Variants in RPS6KC1 observed in about 807,000 individuals in gnomAD.
RPS6KC1 encodes the protein inactive ribosomal protein S6 kinase delta-1.
Under a neutral mutation model 103.8 loss-of-function variants are expected in RPS6KC1, and 54 were observed. The observed-to-expected ratio is 0.52, with a 90% CI of 0.42 to 0.65. The LOEUF is 0.65. Among genes scored for constraint, RPS6KC1 ranks in the 30% least tolerant of loss-of-function variants. The pLI is 0.00. For synonymous variants in RPS6KC1, 439 were observed against 438.7 expected, an observed-to-expected ratio of 1.00 and a Z score of -0.01; for missense variants, 1,151 against 1,253.8, an observed-to-expected ratio of 0.92 and a Z score of 1.24.
At chr1:213,163,959 C>G (rs1302099257) in intron 6 of RPS6KC1, among the ~76,000 whole-genome samples, 2 of 152,148 alleles carry the variant, frequency 1.3e-5, no homozygotes, top group Admixed American at 6.5e-5. Flanking sequence ...CTCCTGTGCT[C>G]TGTATTTTTC....
At chr1:213,593,480 A>G in the RPS6KC1 span, among the ~76,000 whole-genome samples, 1 of 152,196 alleles carries the variant, frequency 6.6e-6, no homozygotes, top group African/African-American at 2.4e-5. Flanking sequence ...ACACACACAT[A>G]CACCCACACT....
At chr1:213,351,389 A>C in the RPS6KC1 span, among the ~76,000 whole-genome samples, 1 of 152,200 alleles carries the variant, frequency 6.6e-6, no homozygotes, top group African/African-American at 2.4e-5. Flanking sequence ...AATACACAGC[A>C]ATTTTTGGAA....
the RPS6KC1 span, among the ~76,000 whole-genome samples, chr1:213,520,710 G>T: frequency 6.6e-6 from 1 of 152,166 alleles, no homozygotes; most frequent in Non-Finnish European, 1.5e-5. Context: ...GGTAGTTGGT[G>T]AGGGCTGATT....
At chr1:213,071,225 G>C (rs2078845235) in intron 2 of RPS6KC1, among the ~76,000 whole-genome samples, 184 bp downstream of exon 2, 1 of 152,104 alleles carries the variant, frequency 6.6e-6, no homozygotes, top group Non-Finnish European at 1.5e-5. Flanking sequence ...TGCCTCCTGG[G>C]TTCAAGTGAT....
intron 8 of RPS6KC1, among the ~76,000 whole-genome samples, chr1:213,184,109 T>G (rs2092417650): frequency 6.6e-6 from 1 of 152,138 alleles, no homozygotes; most frequent in South Asian, 2.1e-4. Context: ...AATTTATAAT[T>G]AAAATACTAC....
the RPS6KC1 span, among the ~76,000 whole-genome samples, chr1:213,708,748 T>C: frequency 6.6e-6 from 1 of 152,226 alleles, no homozygotes; most frequent in Non-Finnish European, 1.5e-5. Flanking sequence ...TTATTGAGTA[T>C]TTTTAACATG....
At chr1:213,545,644 C>T in the RPS6KC1 span, among the ~76,000 whole-genome samples, 2 of 152,068 alleles carry the variant, frequency 1.3e-5, no homozygotes, top group South Asian at 2.1e-4. Flanking sequence ...GACCTTATCT[C>T]CAAATAAGGT....
the RPS6KC1 span, among the ~76,000 whole-genome samples, chr1:213,610,790 G>A: frequency 6.6e-6 from 1 of 152,274 alleles, no homozygotes; most frequent in East Asian, 1.9e-4. Flanking sequence ...CATTCTCTGA[G>A]GGTCAGTTTG....
chr1:213,427,929 C>T, the RPS6KC1 span, among the ~76,000 whole-genome samples: 1 of 152,342 alleles, frequency 6.6e-6, no homozygotes, highest in South Asian at 2.1e-4. Context: ...CAACAACATC[C>T]AGGGACTGAG....
At chr1:213,675,357 A>G in the RPS6KC1 span, among the ~76,000 whole-genome samples, 1 of 152,148 alleles carries the variant, frequency 6.6e-6, no homozygotes, top group Admixed American at 6.5e-5. Context: ...TGTGTCCAGA[A>G]TGGTGTTTCT....
chr1:213,243,984 A>G (rs1219084059), intron 12 of RPS6KC1, among the ~76,000 whole-genome samples: 3 of 152,194 alleles, frequency 2.0e-5, no homozygotes, highest in Non-Finnish European at 4.4e-5. Flanking sequence ...TAAATATCCT[A>G]AAACGTTCCT....
Position 213,119,269 on chromosome 1 carries a change from A to G in RPS6KC1, c.472+1859A>G, listed in dbSNP as rs535595459. On this transcript the variant is annotated intron_variant, in intron 5 of 14. Transcript: ENST00000366960. Reference sequence around the variant, plus strand: ...TGAGACCAGCCTGGCCAATATGGTGAAACCCTGTCTCTACTAAAAACACAA... The same window carrying G: ...TGAGACCAGCCTGGCCAATATGGTGGAACCCTGTCTCTACTAAAAACACAA... Among the ~76,000 whole-genome samples, 51 of 151,642 alleles carry G rather than the reference A, an allele frequency of 3.4e-4. 2 individuals carry two copies. The South Asian group carries it at 0.01, about 30-fold the overall frequency.
At chr1:213,666,255 T>G in the RPS6KC1 span, among the ~76,000 whole-genome samples, 3 of 152,186 alleles carry the variant, frequency 2.0e-5, no homozygotes, top group South Asian at 2.1e-4. Context: ...TTTATTCCCA[T>G]TTATCAGATG....
At chr1:213,602,471 G>A in the RPS6KC1 span, among the ~76,000 whole-genome samples, 1 of 151,776 alleles carries the variant, frequency 6.6e-6, no homozygotes, top group Admixed American at 6.6e-5. Flanking sequence ...GAGCTGAGGC[G>A]TTCTGCCTGC....
chr1:213,735,181 C>G, the RPS6KC1 span, among the ~76,000 whole-genome samples: 2 of 152,186 alleles, frequency 1.3e-5, no homozygotes, highest in Admixed American at 1.3e-4. Context: ...AAAGTGAAGT[C>G]TCTGTGCATG....
At chr1:213,815,624 A>C in the RPS6KC1 span, among the ~76,000 whole-genome samples, 1 of 152,242 alleles carries the variant, frequency 6.6e-6, no homozygotes, top group Non-Finnish European at 1.5e-5. Flanking sequence ...GTCATAATAA[A>C]GTGAGTCCCA....
the RPS6KC1 span, among the ~76,000 whole-genome samples, chr1:213,440,504 A>G: frequency 2.7e-5 from 4 of 150,134 alleles, no homozygotes; most frequent in African/African-American, 7.3e-5. Context: ...TATGAATGCT[A>G]TGATTAAATG....
At chr1:213,253,469 G>A (rs1182191891) in intron 12 of RPS6KC1, among the ~76,000 whole-genome samples, 1 of 152,178 alleles carries the variant, frequency 6.6e-6, no homozygotes, top group Admixed American at 6.5e-5. Context: ...TGCTTAAAAT[G>A]CAAGATGGTT....
chr1:213,365,237 A>C, the RPS6KC1 span, among the ~76,000 whole-genome samples: 1,271 of 152,312 alleles, frequency 8.3e-3, 15 homozygotes, highest in East Asian at 0.027. Context: ...AAATGTGGCA[A>C]CATCATTGCA....
Sources: gnomAD v4.1 joint callset for allele counts (sites outside exome capture counted in the v4.1 genomes callset) on GRCh38, gnomAD v4.1.1 for gene constraint, MANE v1.5 for transcripts, NCBI Gene and HGNC (gene_info 2026-07-23, HGNC 2026-07-21) for gene names.